TADA1: variants seen among roughly 807,000 people sequenced by gnomAD.
TADA1 encodes the protein transcriptional adaptor 1.
TADA1 carries 23 observed loss-of-function variants against 39.3 expected under a neutral mutation model. The observed-to-expected ratio is 0.58, with a 90% CI of 0.42 to 0.83. TADA1 has a LOEUF of 0.83. TADA1 is among the 40% of genes least tolerant of loss of function. TADA1 has a pLI of 0.00. For missense variants in TADA1, 352 were observed against 408.1 expected (o/e 0.86, Z 1.18); for synonymous variants, 137 against 151.8 (o/e 0.90, Z 0.72).
chr1:166,858,464 T>C (rs1658334697), intron 6 of TADA1, among the ~76,000 whole-genome samples, 183 bp from the exon 7 acceptor site: 1 of 152,164 alleles, frequency 6.6e-6, no homozygotes. Context: ...TAAAACATAA[T>C]ACAACTATAT....
rs533214354 is a variant in TADA1 at position 166,862,607 on chromosome 1, T to C, written c.331-195A>G. The C allele has an allele frequency of 1.7e-5, 10 of 601,182 alleles. No individual in the cohort carries two copies. The Admixed American group carries it at 2.7e-4, about 16-fold the overall frequency. The allele number at this position is 601,182 out of a possible 1,614,324, so 37.2% of individuals were successfully genotyped here. ...CCAATACAAGGTAATAATGAAGACA[T>C]GGATTAAGGGGAATAATGGTAGTTT... On this transcript the variant is annotated intron_variant, in intron 4 of 7. Transcript: ENST00000367874.
chr1:166,866,980 G>A (rs1251694133), intron 3 of TADA1, among the ~76,000 whole-genome samples: 1 of 152,032 alleles, frequency 6.6e-6, no homozygotes, highest in Non-Finnish European at 1.5e-5. Flanking sequence ...CCTGACTTCA[G>A]GTGATCCACC....
At chr1:166,865,825 A>C (rs1285923844) in intron 3 of TADA1, among the ~76,000 whole-genome samples, 1 of 152,150 alleles carries the variant, frequency 6.6e-6, no homozygotes, top group Admixed American at 6.5e-5. Context: ...CCTCCAAAAA[A>C]AAAAGAAAAC....
Position 166,857,509 on chromosome 1 carries a change from C to T in TADA1, c.*58G>A. On this transcript the variant is annotated 3_prime_UTR_variant, in exon 8 of 8. Coordinates refer to ENST00000367874, the MANE Select transcript of TADA1 (RefSeq NM_053053.4). Reference sequence around the variant, plus strand: ...AGCCTTGAAATGTGGACCCAAAAAACATTCAATTTTCAGTAATCAATGAAT... The same window carrying T: ...AGCCTTGAAATGTGGACCCAAAAAATATTCAATTTTCAGTAATCAATGAAT... The T allele has an allele frequency of 6.3e-7, 1 of 1,594,482 alleles. No individual in the cohort carries two copies.
intron 3 of TADA1, among the ~76,000 whole-genome samples, chr1:166,864,773 G>T (rs1327851449): frequency 6.6e-6 from 1 of 152,206 alleles, no homozygotes; most frequent in Non-Finnish European, 1.5e-5. Context: ...ACACAGAGCA[G>T]GGTATTTATA....
At chr1:166,868,610 A>G (rs1397604457) in intron 3 of TADA1, 1 of 152,338 alleles carries the variant, frequency 6.6e-6, no homozygotes, top group African/African-American at 2.4e-5. Context: ...AAAAGGTAAT[A>G]TAAGTACAGG....
intron 4 of TADA1, 22 bp downstream of exon 4, chr1:166,863,802 G>C: frequency 6.2e-7 from 1 of 1,604,398 alleles, no homozygotes; most frequent in Non-Finnish European, 8.5e-7. Flanking sequence ...TCATTATCAA[G>C]ACCTATTAAA....
At chr1:166,859,972 G>A (rs139509366) in intron 6 of TADA1, among the ~76,000 whole-genome samples, 43 of 152,306 alleles carry the variant, frequency 2.8e-4, no homozygotes, top group African/African-American at 1.0e-3. Flanking sequence ...CCCGCATGCA[G>A]AAGCCAAACT....
chr1:166,869,916 G>A, intron 1 of TADA1, 62 bp from the exon 2 acceptor site: 4 of 1,455,146 alleles, frequency 2.7e-6, no homozygotes, highest in Non-Finnish European at 3.8e-6. Flanking sequence ...TTTTTTGTTT[G>A]TTTTGTTTTT....
chr1:166,856,699 T>C lies in TADA1; in HGVS notation c.*868A>G, dbSNP rs1345490775. 6.6e-6 allele frequency: 1 copy of C among 152,648 alleles called. No homozygotes were observed. The highest frequency in any genetic ancestry group is 1.5e-5 in the Non-Finnish European group (1 of 68,044). The allele number at this position is 152,648 out of a possible 1,614,324, so 9.5% of individuals were successfully genotyped here. A position where few individuals can be genotyped will look rare whatever the true frequency, so the allele number is the denominator to read the frequency against. On this transcript the variant is annotated 3_prime_UTR_variant, in exon 8 of 8. Transcript: ENST00000367874. ...CAACATATCTCTTAAGTAGGTTTGT[T>C]ATCAGTAACACTATCGAATGTAAAT...
chr1:166,864,392 G>A (rs1208648172), intron 3 of TADA1, among the ~76,000 whole-genome samples: 1 of 152,182 alleles, frequency 6.6e-6, no homozygotes, highest in East Asian at 1.9e-4. Flanking sequence ...TGGACTAAAA[G>A]GGTGCAGACT....
At chr1:166,862,049 G>T (rs762254265) in intron 5 of TADA1, among the ~76,000 whole-genome samples, 154 bp downstream of exon 5, 2 of 152,102 alleles carry the variant, frequency 1.3e-5, no homozygotes, top group African/African-American at 2.4e-5. Flanking sequence ...ACAAAGTGAT[G>T]CTGTCTCAAA....
rs1658619122 is a variant in TADA1 at position 166,869,871 on chromosome 1, A to G, written c.75-17T>C. 1 of 1,602,326 alleles carries G rather than the reference A, an allele frequency of 6.2e-7. No individual in the cohort carries two copies. Among genetic ancestry groups the G allele is most frequent in the Non-Finnish European group, 8.5e-7 (1 of 1,172,788 alleles). ...GCCCAGTATCTGCAGAGGCAGAAACAATACTAAGAACCACAGATTTGGCTG... is the reference window on the plus strand; with the variant it reads ...GCCCAGTATCTGCAGAGGCAGAAACGATACTAAGAACCACAGATTTGGCTG... On this transcript the variant is annotated splice_polypyrimidine_tract_variant and intron_variant, in intron 1 of 7. Coordinates refer to ENST00000367874, the MANE Select transcript of TADA1 (RefSeq NM_053053.4).
intron 5 of TADA1, among the ~76,000 whole-genome samples, chr1:166,861,801 T>A (rs1377293656): frequency 2.0e-5 from 3 of 152,086 alleles, no homozygotes; most frequent in African/African-American, 7.2e-5. Flanking sequence ...CACATGTAAA[T>A]CCCAGCACCT....
chr1:166,859,623 A>G (rs536230109), intron 6 of TADA1, among the ~76,000 whole-genome samples: 2 of 152,242 alleles, frequency 1.3e-5, no homozygotes, highest in East Asian at 3.9e-4. Flanking sequence ...GAAGCCCTCA[A>G]TGGGAAGACG....
intron 3 of TADA1, 137 bp downstream of exon 3, chr1:166,869,308 G>C: frequency 1.9e-6 from 1 of 517,624 alleles, no homozygotes; most frequent in Non-Finnish European, 3.4e-6. Flanking sequence ...AAAAGAATTT[G>C]TATCTACCTA....
chr1:166,876,174 C>T lies in TADA1; in HGVS notation c.60G>A (p.Gly20=), dbSNP rs991678162. The part of the protein sequence containing the change: ...AAKKNLSEAL[G]DNVKQYWANL... ...GCAGCTCTTACTGTTTCACGTTGTCCCCCAGGGCCTCGCTTAAGTTCTTCT... is the reference window on the plus strand; with the variant it reads ...GCAGCTCTTACTGTTTCACGTTGTCTCCCAGGGCCTCGCTTAAGTTCTTCT... The change falls in exon 1 of 8, where the codon GGG becomes GGA. Residue 20 remains glycine (G), a synonymous_variant. Coordinates refer to ENST00000367874, the MANE Select transcript of TADA1 (RefSeq NM_053053.4). 1.2e-6 allele frequency: 2 copies of T among 1,613,656 alleles called. No homozygotes were observed. Among genetic ancestry groups the T allele is most frequent in the South Asian group, 1.1e-5 (1 of 90,940 alleles).
intron 3 of TADA1, among the ~76,000 whole-genome samples, chr1:166,865,866 C>A (rs1244688954): frequency 2.0e-5 from 3 of 151,762 alleles, no homozygotes; most frequent in African/African-American, 7.3e-5. Context: ...GAAAAAATCA[C>A]CCATAATCAT....
intron 6 of TADA1, among the ~76,000 whole-genome samples, 177 bp downstream of exon 6, chr1:166,860,009 G>A (rs985448262): frequency 2.0e-5 from 3 of 152,142 alleles, no homozygotes; most frequent in African/African-American, 4.8e-5. Context: ...CATAAAAGGA[G>A]TACCAAAATA....
Sources: allele counts gnomAD v4.1 joint callset (sites outside exome capture counted in the v4.1 genomes callset), GRCh38; gene constraint gnomAD v4.1.1; transcripts MANE v1.5; gene names NCBI Gene and HGNC (gene_info 2026-07-23, HGNC 2026-07-21).